The following ITCH variants were observed in gnomAD, a reference collection of about 807,000 sequenced individuals.
The protein encoded by ITCH is E3 ubiquitin-protein ligase Itchy homolog.
ITCH carries 28 observed loss-of-function variants against 126.8 expected under a neutral mutation model. The ratio of observed to expected loss-of-function variants is 0.22; its 90% CI spans 0.16 to 0.30. ITCH has a LOEUF of 0.30. Among genes scored for constraint, ITCH ranks in the 10% least tolerant of loss-of-function variants. The probability of loss-of-function intolerance (pLI) is 1.00; values close to 1 mark genes in which losing one functional copy is unlikely to be tolerated. For missense variants in ITCH, 631 were observed against 1,032.4 expected, an observed-to-expected ratio of 0.61 and a Z score of 5.33; for synonymous variants, 342 against 340.0, an observed-to-expected ratio of 1.01 and a Z score of -0.06.
At chr20:34,403,802 TA>T (rs893546527) in intron 3 of ITCH, among the ~76,000 whole-genome samples, 2 of 151,966 alleles carry the variant, frequency 1.3e-5, no homozygotes, top group Non-Finnish European at 2.9e-5. Context: ...TTAATGGGTA[TA>T]AAAGAAAAAA....
chr20:34,432,315 C>T (rs1426857811), intron 7 of ITCH, among the ~76,000 whole-genome samples: 1 of 151,924 alleles, frequency 6.6e-6, no homozygotes, highest in African/African-American at 2.4e-5. Context: ...AAATATAAAA[C>T]TCTTATAATT....
chr20:34,363,537 G>A (rs1601714578), intron 1 of ITCH, among the ~76,000 whole-genome samples, 188 bp downstream of exon 1: 1 of 152,312 alleles, frequency 6.6e-6, no homozygotes, highest in East Asian at 1.9e-4. Context: ...GCCCGGGCCG[G>A]GCGGTGGGGG....
chr20:34,413,051 C>T (rs1394878773), intron 5 of ITCH, among the ~76,000 whole-genome samples: 3 of 151,816 alleles, frequency 2.0e-5, no homozygotes, highest in Middle Eastern at 3.2e-3. Context: ...CTCTGTTTTC[C>T]AGGCTGGAGT....
chr20:34,448,071 A>T (rs1198065653), intron 11 of ITCH, among the ~76,000 whole-genome samples: 1 of 152,214 alleles, frequency 6.6e-6, no homozygotes, highest in African/African-American at 2.4e-5. Context: ...TCTTTACCAC[A>T]TGTCATAATG....
intron 7 of ITCH, among the ~76,000 whole-genome samples, chr20:34,429,646 A>G (rs540450417): frequency 5.4e-4 from 82 of 152,342 alleles, no homozygotes; most frequent in African/African-American, 1.9e-3. Flanking sequence ...TTTTCATTAT[A>G]TAAGAAGTCT....
intron 3 of ITCH, among the ~76,000 whole-genome samples, chr20:34,394,820 A>T (rs59725581): frequency 0.02 from 2,973 of 152,180 alleles, 92 homozygotes; most frequent in African/African-American, 0.059. Context: ...ATGGTAAATG[A>T]TTTTTAGGGG....
In ITCH at chr20:34,452,659, A is replaced by G. The variant is rs1335600498; in HGVS notation, c.1210+3179A>G. Among the ~76,000 whole-genome samples the G allele has an allele frequency of 2.0e-5, 3 of 152,112 alleles. No homozygotes were observed. In the East Asian group the frequency reaches 5.8e-4, roughly 29 times the overall value. ...CTGGGACTAGACATTCCTACCTCAT[A>G]GGCTCAGTGAATAATTGGTTTTTTA... On this transcript the variant is annotated intron_variant, in intron 12 of 24. Coordinates refer to ENST00000374864, the MANE Select transcript of ITCH (RefSeq NM_031483.7).
intron 23 of ITCH, 89 bp from the exon 24 acceptor site, chr20:34,504,242 C>G (rs1990477127): frequency 5.3e-6 from 5 of 951,212 alleles, no homozygotes; most frequent in Non-Finnish European, 8.6e-6. Flanking sequence ...CTAACAAGTT[C>G]CCTCATGATG....
chr20:34,456,746 AT>A (rs1381712172), intron 12 of ITCH, among the ~76,000 whole-genome samples: 1 of 150,862 alleles, frequency 6.6e-6, no homozygotes, highest in Non-Finnish European at 1.5e-5. Flanking sequence ...CGGCCCACTA[AT>A]TTTTTTGTAT....
chr20:34,420,194 G>A (rs1306960146), intron 6 of ITCH, among the ~76,000 whole-genome samples: 2 of 152,028 alleles, frequency 1.3e-5, no homozygotes, highest in African/African-American at 4.8e-5. Context: ...TCCACCATCT[G>A]TCTCTAGTTT....
chr20:34,419,678 G>A (rs941707803), intron 6 of ITCH, among the ~76,000 whole-genome samples: 5 of 151,896 alleles, frequency 3.3e-5, no homozygotes, highest in African/African-American at 9.7e-5. Context: ...TTTTTGAGAC[G>A]GAGTCTCACT....
At position 34,445,471 on chromosome 20, in the gene ITCH, CTG is replaced by C; in HGVS notation, c.1140+12_1140+13del. 4 of 1,613,048 alleles carry C rather than the reference CTG, an allele frequency of 2.5e-6. No homozygotes were observed. The highest frequency in any genetic ancestry group is 3.4e-6 in the Non-Finnish European group (4 of 1,179,074). On this transcript the variant is annotated intron_variant, in intron 11 of 24. Coordinates refer to ENST00000374864, the MANE Select transcript of ITCH (RefSeq NM_031483.7). ...GAGATTCATTTATGGGGTGAGCAGCCTGTTGTTTAATAAACTAATAAGAGTAT... is the reference window on the plus strand; with the variant it reads ...GAGATTCATTTATGGGGTGAGCAGCCTTGTTTAATAAACTAATAAGAGTAT...
At chr20:34,392,825 C>T (rs780496597) in intron 2 of ITCH, among the ~76,000 whole-genome samples, 1 of 152,138 alleles carries the variant, frequency 6.6e-6, no homozygotes, top group Non-Finnish European at 1.5e-5. Flanking sequence ...TGGTGGTGTG[C>T]ACCAGTGGTC....
chr20:34,467,843 G>A (rs1040015976), intron 14 of ITCH, among the ~76,000 whole-genome samples: 6 of 151,522 alleles, frequency 4.0e-5, no homozygotes, highest in African/African-American at 1.5e-4. Flanking sequence ...GCGCCACCAT[G>A]CCTGGCTAAT....
intron 3 of ITCH, among the ~76,000 whole-genome samples, chr20:34,405,784 T>TA (rs1208438115): frequency 6.6e-6 from 1 of 151,610 alleles, no homozygotes; most frequent in Non-Finnish European, 1.5e-5. Context: ...ATAGTACTTT[T>TA]TTTTTATTTT....
At chr20:34,374,550 G>A (rs1425371520) in intron 2 of ITCH, among the ~76,000 whole-genome samples, 2 of 152,078 alleles carry the variant, frequency 1.3e-5, no homozygotes, top group Non-Finnish European at 2.9e-5. Flanking sequence ...CTTTCTTAAA[G>A]TTATGATCTG....
chr20:34,470,205 C>T, intron 15 of ITCH, 85 bp downstream of exon 15: 1 of 1,027,748 alleles, frequency 9.7e-7, no homozygotes, highest in Non-Finnish European at 1.6e-6. Flanking sequence ...ATACTTAACT[C>T]ACAGAAAAAC....
rs140460146 is a variant in ITCH, at chr20:34,417,100, CTTTT to C, written c.475+3232_475+3235del. On this transcript the variant is annotated intron_variant, in intron 6 of 24. Transcript: ENST00000374864. ...AATTTTAATTTGCTATTTAGGTAGACTTTTTTTTTTTTTTAGATGGGGTTTCGCT... is the reference window on the plus strand; with the variant it reads ...AATTTTAATTTGCTATTTAGGTAGACTTTTTTTTTTAGATGGGGTTTCGCT... 3.5e-5 allele frequency: 20 copies of C among 578,504 alleles called. 1 individual carries two copies. Among genetic ancestry groups the C allele is most frequent in the South Asian group, 1.8e-4 (11 of 62,452 alleles). 35.8% of individuals were successfully genotyped at this position (578,504 alleles called of 1,614,324 possible).
intron 14 of ITCH, among the ~76,000 whole-genome samples, chr20:34,465,617 C>T (rs558871556): frequency 2.0e-5 from 3 of 151,964 alleles, no homozygotes; most frequent in South Asian, 2.1e-4. Flanking sequence ...TTTCAGTGTA[C>T]GAGTCTTTTG....
Sources: allele counts gnomAD v4.1 joint callset (sites outside exome capture counted in the v4.1 genomes callset), GRCh38; gene constraint gnomAD v4.1.1; transcripts MANE v1.5; gene names NCBI Gene and HGNC (gene_info 2026-07-23, HGNC 2026-07-21).